ZNF385D: variants seen among roughly 807,000 people sequenced by gnomAD.
The protein encoded by ZNF385D is zinc finger protein 659.
Under a neutral mutation model 35.8 loss-of-function variants are expected in ZNF385D, and 15 were observed. The observed-to-expected ratio is 0.42, with a 90% CI of 0.28 to 0.64. The LOEUF (loss-of-function observed/expected upper bound fraction) is 0.64, where lower values mean the gene tolerates loss of function less well. Among genes scored for constraint, ZNF385D ranks in the 30% least tolerant of loss-of-function variants. The pLI is 0.23. For missense variants in ZNF385D, 474 were observed against 494.6 expected (o/e 0.96, Z 0.39); for synonymous variants, 212 against 186.8 (o/e 1.13, Z -1.10).
intron 2 of ZNF385D, among the ~76,000 whole-genome samples, chr3:22,249,280 C>A (rs1432539537): frequency 6.6e-6 from 1 of 152,132 alleles, no homozygotes; most frequent in Non-Finnish European, 1.5e-5. Flanking sequence ...ATCCCCCCAC[C>A]CATATTAGCA....
chr3:21,588,721 G>GAAGT (rs1050482197), intron 2 of ZNF385D, among the ~76,000 whole-genome samples: 25 of 151,964 alleles, frequency 1.6e-4, no homozygotes, highest in African/African-American at 5.3e-4. Context: ...CATAGGAGAG[G>GAAGT]AAGTTATCAA....
intron 2 of ZNF385D, among the ~76,000 whole-genome samples, chr3:22,238,657 T>G (rs1182004036): frequency 6.6e-6 from 1 of 151,166 alleles, no homozygotes; most frequent in East Asian, 1.9e-4. Context: ...CTTACAGAAC[T>G]CATTTATTAG....
chr3:21,681,035 C>G (rs986642691), intron 1 of ZNF385D, among the ~76,000 whole-genome samples: 8 of 152,052 alleles, frequency 5.3e-5, no homozygotes, highest in Admixed American at 2.6e-4. Context: ...CATTGAATTG[C>G]CCTTAGCTAC....
chr3:22,367,870 G>A (rs776396464), intron 2 of ZNF385D, among the ~76,000 whole-genome samples: 2 of 152,170 alleles, frequency 1.3e-5, no homozygotes, highest in Non-Finnish European at 2.9e-5. Flanking sequence ...GAGACTCTCA[G>A]GAAAATCCTC....
rs776239551 is a variant in ZNF385D at position 21,419,114 on chromosome 3, T to G, written c.*2100A>C. On this transcript the variant is annotated 3_prime_UTR_variant, in exon 8 of 8. Coordinates refer to ENST00000281523, the MANE Select transcript of ZNF385D (RefSeq NM_024697.3). ...GAAATTCTTTCTACCAGAATACTGA[T>G]GGAACACATTATCTTCCTTTCTTCC... 1.0e-4 allele frequency: 16 copies of G among 153,458 alleles called. No homozygotes were observed. The highest frequency in any genetic ancestry group is 2.6e-4 in the Admixed American group (4 of 15,264). The allele number at this position is 153,458 out of a possible 1,614,324, so 9.5% of individuals were successfully genotyped here.
chr3:22,315,737 C>T (rs544229883), intron 2 of ZNF385D, among the ~76,000 whole-genome samples: 2 of 152,266 alleles, frequency 1.3e-5, no homozygotes, highest in Non-Finnish European at 2.9e-5. Context: ...CTCAGTCATT[C>T]CCAGGAAAAA....
At chr3:21,471,883 CATA>C (rs144375882) in intron 4 of ZNF385D, among the ~76,000 whole-genome samples, 3,993 of 152,024 alleles carry the variant, frequency 0.026, 158 homozygotes, top group African/African-American at 0.089. Context: ...TGGAAGAAAA[CATA>C]ATAATTACTT....
intron 2 of ZNF385D, among the ~76,000 whole-genome samples, chr3:22,371,842 TGGAGG>T (rs1470405716): frequency 6.6e-6 from 1 of 152,142 alleles, no homozygotes; most frequent in East Asian, 1.9e-4. Flanking sequence ...GTGATTTCCT[TGGAGG>T]GACGCTTCAT....
intron 3 of ZNF385D, among the ~76,000 whole-genome samples, chr3:22,130,594 A>G (rs1474724130): frequency 6.6e-6 from 1 of 152,026 alleles, no homozygotes; most frequent in African/African-American, 2.4e-5. Context: ...TCCAATGCAA[A>G]CTTCCAATTT....
chr3:22,248,212 A>C (rs557546671), intron 2 of ZNF385D, among the ~76,000 whole-genome samples: 7 of 152,294 alleles, frequency 4.6e-5, no homozygotes, highest in African/African-American at 1.7e-4. Context: ...AGGGGAAAGA[A>C]AACCAACAAT....
intron 3 of ZNF385D, among the ~76,000 whole-genome samples, chr3:21,822,794 A>G (rs1265298756): frequency 6.6e-6 from 1 of 152,202 alleles, no homozygotes; most frequent in Non-Finnish European, 1.5e-5. Flanking sequence ...AAATCTCGAA[A>G]ACAATGTTGA....
chr3:21,598,333 T>A (rs888416440), intron 2 of ZNF385D, among the ~76,000 whole-genome samples: 3 of 152,206 alleles, frequency 2.0e-5, no homozygotes, highest in South Asian at 4.1e-4. Context: ...ATAGGTTACA[T>A]GCATGTAGCT....
chr3:22,367,339 T>C (rs1330418636), intron 2 of ZNF385D, among the ~76,000 whole-genome samples: 2 of 152,216 alleles, frequency 1.3e-5, no homozygotes, highest in Non-Finnish European at 2.9e-5. Context: ...CCAGCCCGTC[T>C]AGTTCTTAAA....
intron 3 of ZNF385D, among the ~76,000 whole-genome samples, chr3:22,043,792 T>C (rs1394083157): frequency 2.0e-5 from 3 of 152,078 alleles, no homozygotes; most frequent in African/African-American, 7.2e-5. Flanking sequence ...TTTCCAACAT[T>C]AGGCTATAAA....
At chr3:21,739,621 G>A (rs1167761896) in intron 1 of ZNF385D, among the ~76,000 whole-genome samples, 2 of 152,160 alleles carry the variant, frequency 1.3e-5, no homozygotes, top group African/African-American at 4.8e-5. Context: ...GTTCGGGGTA[G>A]GCAAAGTGTA....
chr3:21,816,129 GC>G (rs754642413), intron 3 of ZNF385D, among the ~76,000 whole-genome samples: 6 of 152,086 alleles, frequency 3.9e-5, no homozygotes, highest in Non-Finnish European at 8.8e-5. Flanking sequence ...AAATTCAACA[GC>G]CCTTCATGCT....
intron 3 of ZNF385D, among the ~76,000 whole-genome samples, chr3:22,057,285 T>C (rs998756376): frequency 6.6e-6 from 1 of 152,184 alleles, no homozygotes; most frequent in African/African-American, 2.4e-5. Context: ...CCATACCTCA[T>C]AGGTTATAAG....
intron 1 of ZNF385D, among the ~76,000 whole-genome samples, chr3:21,692,879 C>T (rs542870130): frequency 1.6e-4 from 25 of 152,156 alleles, no homozygotes; most frequent in Non-Finnish European, 3.7e-4. Flanking sequence ...ATGCTACTGT[C>T]CAGAATTTTA....
intron 3 of ZNF385D, among the ~76,000 whole-genome samples, chr3:22,021,574 T>C (rs553237598): frequency 3.3e-5 from 5 of 152,086 alleles, no homozygotes; most frequent in Admixed American, 6.6e-5. Flanking sequence ...TTATATACTT[T>C]TGTGAGGACT....
Sources: allele counts gnomAD v4.1 joint callset (sites outside exome capture counted in the v4.1 genomes callset), GRCh38; gene constraint gnomAD v4.1.1; transcripts MANE v1.5; gene names NCBI Gene and HGNC (gene_info 2026-07-23, HGNC 2026-07-21).